Variants in PRKN observed in about 807,000 individuals in gnomAD.
PRKN encodes the protein E3 ubiquitin-protein ligase parkin.
PRKN carries 56 observed loss-of-function variants against 59.5 expected under a neutral mutation model. That is an observed-to-expected ratio of 0.94 (90% CI 0.76 to 1.18). The LOEUF (loss-of-function observed/expected upper bound fraction) is 1.18. PRKN is among the 50% of genes most tolerant of loss of function. The pLI, the probability that PRKN is intolerant of heterozygous loss-of-function variation, is 0.00. For synonymous variants in PRKN, 250 were observed against 222.1 expected (o/e 1.13, Z -1.12); for missense variants, 657 against 596.4 (o/e 1.10, Z -1.06).
At chr6:162,673,870 A>T (rs1779434015) in intron 1 of PRKN, among the ~76,000 whole-genome samples, 1 of 152,220 alleles carries the variant, frequency 6.6e-6, no homozygotes, top group Non-Finnish European at 1.5e-5. Flanking sequence ...GGCAGTGTTT[A>T]AAATGTAAAA....
At chr6:161,862,290 C>A (rs1363541896) in intron 6 of PRKN, among the ~76,000 whole-genome samples, 1 of 152,138 alleles carries the variant, frequency 6.6e-6, no homozygotes, top group Non-Finnish European at 1.5e-5. Context: ...AGTCTCCTAG[C>A]CTTTTTTGAG....
Position 161,388,451 on chromosome 6 carries a change from C to T in PRKN, c.1084-1574G>A, listed in dbSNP as rs1786362005. Among the ~76,000 whole-genome samples the T allele has an allele frequency of 6.6e-6, 1 of 152,194 alleles. No individual in the cohort carries two copies. Among genetic ancestry groups the T allele is most frequent in the African/African-American group, 2.4e-5 (1 of 41,438 alleles). ...TTTAATAAGTTGTAGGCAACATCTC[C>T]CACAGCAGAAACTGTATTCAGAGAA... On this transcript the variant is annotated intron_variant, in intron 9 of 11. Transcript: ENST00000366898. The surrounding 1 kb of genome is among the most constrained non-coding windows in gnomAD (Gnocchi z 4.3).
rs1389072963 is a variant in PRKN at position 161,502,689 on chromosome 6, GAT to G, written c.1083+46163_1083+46164del. Among the ~76,000 whole-genome samples the G allele has an allele frequency of 6.6e-6, 1 of 152,156 alleles. No individual in the cohort carries two copies. The highest frequency in any genetic ancestry group is 1.9e-4 in the East Asian group (1 of 5,186). On this transcript the variant is annotated intron_variant, in intron 9 of 11. Transcript: ENST00000366898. This position sits in a 1 kb window ranked among gnomAD's most constrained non-coding sequence, Gnocchi z 4.0. The stretch of plus-strand genomic sequence containing the variant: ...TGGAGTACCAGTGCATTTATGGAAA[GAT>G]AATAGTTAGAACACAGTGTTATCGG...
At chr6:161,852,887 G>T (rs1191019677) in intron 6 of PRKN, among the ~76,000 whole-genome samples, 2 of 152,180 alleles carry the variant, frequency 1.3e-5, no homozygotes, top group African/African-American at 4.8e-5. Flanking sequence ...CACCGCGTGG[G>T]CCTCTGAGGT....
chr6:162,131,265 CAG>C (rs1781342010), intron 4 of PRKN, among the ~76,000 whole-genome samples: 1 of 152,272 alleles, frequency 6.6e-6, no homozygotes, highest in East Asian at 1.9e-4. Context: ...TGAGGAACAG[CAG>C]CTTCAAGTGA....
At chr6:162,061,935 G>A (rs1280812857) in intron 4 of PRKN, among the ~76,000 whole-genome samples, 2 of 152,162 alleles carry the variant, frequency 1.3e-5, no homozygotes, top group East Asian at 1.9e-4. Flanking sequence ...AGGCAAGTTG[G>A]AAGACAACTG....
intron 3 of PRKN, 139 bp downstream of exon 3, chr6:162,262,386 T>A (rs1779925801): frequency 1.1e-6 from 1 of 945,732 alleles, no homozygotes; most frequent in Non-Finnish European, 1.7e-6. Flanking sequence ...CCTACAGTGA[T>A]GTCTCCTTGT....
chr6:161,584,064 G>C lies in PRKN; in HGVS notation c.872-14648C>G, dbSNP rs9456686. ...GAGGCCAATGTCCCCCAGTTTCCCA[G>C]AGTATTAGAGACACAACCCTCCCCT... On this transcript the variant is annotated intron_variant, in intron 7 of 11. Transcript: ENST00000366898. This position sits in a 1 kb window ranked among gnomAD's most constrained non-coding sequence, Gnocchi z 4.8. 6.6e-6 allele frequency among the ~76,000 whole-genome samples: 1 copy of C among 152,158 alleles called. No individual in the cohort carries two copies. The highest frequency in any genetic ancestry group is 2.4e-5 in the African/African-American group (1 of 41,416).
At chr6:162,502,568 A>G (rs1385023891) in intron 1 of PRKN, among the ~76,000 whole-genome samples, 1 of 151,028 alleles carries the variant, frequency 6.6e-6, no homozygotes, top group East Asian at 1.9e-4. Flanking sequence ...CATGCCTAAT[A>G]ATATTTCTTT....
chr6:162,179,234 A>C (rs1783682412), intron 4 of PRKN, among the ~76,000 whole-genome samples: 1 of 152,128 alleles, frequency 6.6e-6, no homozygotes, highest in Non-Finnish European at 1.5e-5. Flanking sequence ...TGTGGATACC[A>C]CACATGTTCT....
chr6:162,169,247 C>T (rs553952644), intron 4 of PRKN, among the ~76,000 whole-genome samples: 2 of 152,296 alleles, frequency 1.3e-5, no homozygotes, highest in Admixed American at 1.3e-4. Context: ...AAGCCCAGTT[C>T]TAACGTGTTT....
At chr6:161,690,168 T>C (rs1349450714) in intron 7 of PRKN, among the ~76,000 whole-genome samples, 1 of 152,186 alleles carries the variant, frequency 6.6e-6, no homozygotes, top group Non-Finnish European at 1.5e-5. Context: ...CACCACTCTG[T>C]GCCTTGGTGT....
At chr6:161,858,577 C>G (rs1326451571) in intron 6 of PRKN, among the ~76,000 whole-genome samples, 1 of 151,970 alleles carries the variant, frequency 6.6e-6, no homozygotes, top group Non-Finnish European at 1.5e-5. Flanking sequence ...GAATACCCAC[C>G]CCCACCTTCA....
intron 7 of PRKN, among the ~76,000 whole-genome samples, chr6:161,750,967 T>C (rs539889496): frequency 2.0e-5 from 3 of 152,210 alleles, no homozygotes; most frequent in African/African-American, 7.2e-5. Flanking sequence ...AAAGAAAATA[T>C]GTAAAAACTG....
At chr6:161,434,607 C>T (rs1788798010) in intron 9 of PRKN, among the ~76,000 whole-genome samples, 1 of 152,160 alleles carries the variant, frequency 6.6e-6, no homozygotes, top group South Asian at 2.1e-4. Context: ...CTTTATTTTC[C>T]TACTTGTGTA....
chr6:162,268,400 A>T (rs1780228935), intron 2 of PRKN, among the ~76,000 whole-genome samples: 1 of 152,196 alleles, frequency 6.6e-6, no homozygotes, highest in Non-Finnish European at 1.5e-5. Context: ...AGACACAACA[A>T]GAAGGCCCTC....
chr6:161,693,481 T>C (rs558053273), intron 7 of PRKN, among the ~76,000 whole-genome samples: 1 of 152,176 alleles, frequency 6.6e-6, no homozygotes, highest in Non-Finnish European at 1.5e-5. Flanking sequence ...AGGAAAGAGA[T>C]ACCCAAAATT....
intron 6 of PRKN, among the ~76,000 whole-genome samples, chr6:161,850,764 G>C (rs1793399705): frequency 6.6e-6 from 1 of 152,130 alleles, no homozygotes; most frequent in Non-Finnish European, 1.5e-5. Context: ...CCTTCATTGT[G>C]AGTTGCTGGC....
intron 7 of PRKN, among the ~76,000 whole-genome samples, chr6:161,749,597 T>G (rs898307550): frequency 1.3e-5 from 2 of 152,058 alleles, no homozygotes; most frequent in Non-Finnish European, 1.5e-5. Context: ...GTACCTCTTA[T>G]CATTAAGAGG....
Sources: allele counts gnomAD v4.1 joint callset (sites outside exome capture counted in the v4.1 genomes callset), GRCh38; gene constraint gnomAD v4.1.1; non-coding constraint Gnocchi (gnomAD v3.1); transcripts MANE v1.5; gene names NCBI Gene and HGNC (gene_info 2026-07-23, HGNC 2026-07-21).